The following ACTR3 variants were observed in gnomAD, a reference collection of about 807,000 sequenced individuals.
ACTR3 encodes actin related protein 3, also known as actin-related protein 3.
Under a neutral mutation model 56.8 loss-of-function variants are expected in ACTR3, and 12 were observed. The observed-to-expected ratio is 0.21, with a 90% CI of 0.14 to 0.34. The LOEUF is 0.34. Ranked by LOEUF, ACTR3 falls within the 10% of genes least tolerant of loss-of-function variation. The pLI is 1.00. For missense variants in ACTR3, 282 were observed against 512.5 expected, an observed-to-expected ratio of 0.55 and a Z score of 4.34; for synonymous variants, 162 against 167.4, an observed-to-expected ratio of 0.97 and a Z score of 0.25.
intron 6 of ACTR3, among the ~76,000 whole-genome samples, chr2:113,935,706 A>G (rs549198990): frequency 5.3e-4 from 80 of 152,268 alleles, no homozygotes; most frequent in Admixed American, 1.8e-3. Flanking sequence ...ACATAAAATA[A>G]TTTTTCATCT....
At chr2:113,943,014 A>G (rs531005154) in intron 8 of ACTR3, among the ~76,000 whole-genome samples, 2 of 152,336 alleles carry the variant, frequency 1.3e-5, no homozygotes, top group African/African-American at 4.8e-5. Flanking sequence ...AAATGGTTTG[A>G]ATTTTCATGA....
At chr2:113,892,328 G>A (rs3791743) in intron 1 of ACTR3, among the ~76,000 whole-genome samples, 45,288 of 152,100 alleles carry the variant, frequency 0.3, 11,083 homozygotes, top group African/African-American at 0.67. Flanking sequence ...TCACAATAGT[G>A]TATTTTTAAG....
chr2:113,961,263 A>G lies in ACTR3; in HGVS notation c.*3808A>G, dbSNP rs1396718224. On this transcript the variant is annotated 3_prime_UTR_variant, in exon 12 of 12. Coordinates refer to ENST00000263238, the MANE Select transcript of ACTR3 (RefSeq NM_005721.5). ...GGTCGTCTGAGGTATTCTCCATGCTATAACCCAGTTTAGCTGATGCATTTG... is the reference window on the plus strand; with the variant it reads ...GGTCGTCTGAGGTATTCTCCATGCTGTAACCCAGTTTAGCTGATGCATTTG... The G allele has an allele frequency of 6.6e-6, 1 of 151,992 alleles. No individual in the cohort carries two copies. Among genetic ancestry groups the G allele is most frequent in the East Asian group, 1.9e-4 (1 of 5,188 alleles). 9.4% of individuals were successfully genotyped at this position (151,992 alleles called of 1,614,324 possible).
chr2:113,951,202 C>T (rs1680115614), intron 8 of ACTR3: 1 of 264,028 alleles, frequency 3.8e-6, no homozygotes. Flanking sequence ...ACTCTCACAG[C>T]GTTATATGAA....
chr2:113,930,604 A>T (rs1304388194), intron 4 of ACTR3, among the ~76,000 whole-genome samples: 1 of 152,178 alleles, frequency 6.6e-6, no homozygotes, highest in Non-Finnish European at 1.5e-5. Context: ...AAAAATTGAA[A>T]CAGTTTAAGT....
At chr2:113,919,622 G>A (rs1679469040) in intron 3 of ACTR3, among the ~76,000 whole-genome samples, 1 of 152,150 alleles carries the variant, frequency 6.6e-6, no homozygotes, top group South Asian at 2.1e-4. Context: ...AACAGGGCGT[G>A]ATGAATGGGA....
chr2:113,952,070 G>A, intron 10 of ACTR3: 2 of 510,382 alleles, frequency 3.9e-6, no homozygotes, highest in Non-Finnish European at 6.4e-6. Flanking sequence ...TAATACCTGT[G>A]GAAAGACTTT....
intron 4 of ACTR3, among the ~76,000 whole-genome samples, chr2:113,928,954 A>G (rs191759818): frequency 5.6e-4 from 86 of 152,266 alleles, no homozygotes; most frequent in African/African-American, 1.9e-3. Flanking sequence ...GTGTCAAATA[A>G]TGGAATCATG....
chr2:113,901,633 A>G (rs1394165), intron 1 of ACTR3, among the ~76,000 whole-genome samples: 84,257 of 152,118 alleles, frequency 0.55, 27,139 homozygotes, highest in Middle Eastern at 0.73. Flanking sequence ...AAGGTTTTGG[A>G]AAGAGTTGTG....
intron 7 of ACTR3, among the ~76,000 whole-genome samples, chr2:113,941,260 C>T (rs1437917396): frequency 6.6e-6 from 1 of 152,160 alleles, no homozygotes; most frequent in South Asian, 2.1e-4. Context: ...AATGTGAATA[C>T]TACTGATTCA....
intron 1 of ACTR3, among the ~76,000 whole-genome samples, chr2:113,893,270 G>A (rs1302076471): frequency 6.7e-6 from 1 of 149,974 alleles, no homozygotes; most frequent in Non-Finnish European, 1.5e-5. Context: ...TTTTAAATGT[G>A]TTTTTTGCTT....
chr2:113,901,959 A>G (rs1314865592), intron 1 of ACTR3, among the ~76,000 whole-genome samples: 1 of 152,272 alleles, frequency 6.6e-6, no homozygotes, highest in Admixed American at 6.5e-5. Flanking sequence ...CAATGCAGGC[A>G]TAAGTTGTTT....
chr2:113,906,700 CA>C, intron 1 of ACTR3, among the ~76,000 whole-genome samples: 1 of 152,122 alleles, frequency 6.6e-6, no homozygotes, highest in Non-Finnish European at 1.5e-5. Context: ...TCCAGTTTTC[CA>C]GCACCATTTG....
intron 1 of ACTR3, among the ~76,000 whole-genome samples, chr2:113,911,413 G>T (rs1679303930): frequency 2.1e-5 from 3 of 140,086 alleles, no homozygotes; most frequent in East Asian, 2.4e-4. Context: ...ACTCTTATTT[G>T]GCACACTTTT....
At chr2:113,906,612 G>A (rs537538298) in intron 1 of ACTR3, among the ~76,000 whole-genome samples, 1 of 151,832 alleles carries the variant, frequency 6.6e-6, no homozygotes, top group East Asian at 1.9e-4. Flanking sequence ...CTTGTGTTTA[G>A]GTCTGTGATC....
chr2:113,906,170 T>C (rs978088441), intron 1 of ACTR3, among the ~76,000 whole-genome samples: 1 of 152,242 alleles, frequency 6.6e-6, no homozygotes, highest in Admixed American at 6.5e-5. Flanking sequence ...ATTTTCTTGA[T>C]AATAGCCATC....
rs142408570 is a variant in ACTR3 at position 113,935,720 on chromosome 2, AATT to A, written c.540+1338_540+1340del. On this transcript the variant is annotated intron_variant, in intron 6 of 11. Coordinates refer to ENST00000263238, the MANE Select transcript of ACTR3 (RefSeq NM_005721.5). ...TACATAAAATAATTTTTCATCTTAAAATTATTGTTTAAATCTGAAAATCAGTCT... is the reference window on the plus strand; with the variant it reads ...TACATAAAATAATTTTTCATCTTAAAATTGTTTAAATCTGAAAATCAGTCT... 3.9e-5 allele frequency among the ~76,000 whole-genome samples: 6 copies of A among 152,206 alleles called. No homozygotes were observed. In the East Asian group the frequency reaches 1.2e-3, roughly 29 times the overall value.
intron 8 of ACTR3, 64 bp downstream of exon 8, chr2:113,942,423 A>G (rs1679940023): frequency 8.8e-7 from 1 of 1,137,344 alleles, no homozygotes; most frequent in East Asian, 2.8e-5. Context: ...ATAGATATTC[A>G]GAGAGAATTA....
intron 2 of ACTR3, among the ~76,000 whole-genome samples, chr2:113,913,694 A>G (rs1157144121): frequency 6.6e-6 from 1 of 152,190 alleles, no homozygotes; most frequent in Non-Finnish European, 1.5e-5. Flanking sequence ...TCTCACCTTT[A>G]GAGATGTTGA....
Sources: gnomAD v4.1 joint callset for allele counts (sites outside exome capture counted in the v4.1 genomes callset) on GRCh38, gnomAD v4.1.1 for gene constraint, MANE v1.5 for transcripts, NCBI Gene and HGNC (gene_info 2026-07-23, HGNC 2026-07-21) for gene names.